ANTXR1: variants seen among roughly 807,000 people sequenced by gnomAD.
ANTXR1 encodes anthrax toxin receptor 1.
Under a neutral mutation model 78.1 loss-of-function variants are expected in ANTXR1, and 19 were observed. That is an observed-to-expected ratio of 0.24 (90% CI 0.17 to 0.36). ANTXR1 has a LOEUF of 0.36. ANTXR1 is among the 10% of genes least tolerant of loss of function. The probability of loss-of-function intolerance (pLI) is 1.00; values close to 1 mark genes in which losing one functional copy is unlikely to be tolerated. For missense variants in ANTXR1, 518 were observed against 718.6 expected (o/e 0.72, Z 3.19); for synonymous variants, 273 against 260.5 (o/e 1.05, Z -0.46).
chr2:69,038,491 T>A (rs773502463), intron 1 of ANTXR1, among the ~76,000 whole-genome samples: 1 of 152,202 alleles, frequency 6.6e-6, no homozygotes, highest in Non-Finnish European at 1.5e-5. Flanking sequence ...ATTATAAGAT[T>A]CTAGACAATC....
Position 69,132,227 on chromosome 2 carries a change from GCA to G in ANTXR1, c.951+7587_951+7588del, listed in dbSNP as rs1672771775. On this transcript the variant is annotated intron_variant, in intron 12 of 17. Coordinates refer to ENST00000303714, the MANE Select transcript of ANTXR1 (RefSeq NM_032208.3). The stretch of plus-strand genomic sequence containing the variant: ...GATGCTGCCAGCTGGGGCTGAGGAT[GCA>G]CAGTCTGCTTTAGTGAGTACTGGCT... Among the ~76,000 whole-genome samples the G allele has an allele frequency of 2.0e-5, 3 of 152,362 alleles. 1 individual carries two copies. The South Asian group carries it at 6.2e-4, about 32-fold the overall frequency.
chr2:69,041,134 G>A (rs758476196), intron 2 of ANTXR1, among the ~76,000 whole-genome samples: 1 of 152,208 alleles, frequency 6.6e-6, no homozygotes, highest in Non-Finnish European at 1.5e-5. Context: ...CAGATGCTGA[G>A]AGGACAGAAG....
rs920727369 is a variant in ANTXR1, at chr2:69,071,918, T to G, written c.412+131T>G. 6.9e-6 allele frequency: 6 copies of G among 869,166 alleles called. No homozygotes were observed. In the African/African-American group the frequency reaches 1.0e-4, roughly 15 times the overall value. 53.8% of individuals were successfully genotyped at this position (869,166 alleles called of 1,614,324 possible). ...TTATCTGTAATTCTTAGACACACATTTCATCACAAACAAGGAATGCATAGA... is the reference window on the plus strand; with the variant it reads ...TTATCTGTAATTCTTAGACACACATGTCATCACAAACAAGGAATGCATAGA... On this transcript the variant is annotated intron_variant, in intron 5 of 17. Transcript: ENST00000303714.
chr2:69,015,546 G>A (rs894447306), intron 1 of ANTXR1, among the ~76,000 whole-genome samples: 2 of 151,828 alleles, frequency 1.3e-5, no homozygotes, highest in Non-Finnish European at 2.9e-5. Context: ...TGATAACATG[G>A]AGAATGAAAA....
chr2:69,072,637 C>T (rs1031900864), intron 5 of ANTXR1, among the ~76,000 whole-genome samples: 2 of 152,212 alleles, frequency 1.3e-5, no homozygotes, highest in African/African-American at 4.8e-5. Flanking sequence ...TCCATTACAG[C>T]AGGTGACAAG....
chr2:69,061,824 T>C (rs1283357775), intron 3 of ANTXR1, among the ~76,000 whole-genome samples: 2 of 152,258 alleles, frequency 1.3e-5, no homozygotes, highest in Non-Finnish European at 2.9e-5. Flanking sequence ...GTATTTTTCT[T>C]TCTGATTTGA....
chr2:69,030,798 C>T (rs1671507917), intron 1 of ANTXR1, among the ~76,000 whole-genome samples: 1 of 151,816 alleles, frequency 6.6e-6, no homozygotes, highest in Non-Finnish European at 1.5e-5. Flanking sequence ...CAATAAATAA[C>T]AGGAAATGAA....
chr2:69,167,185 C>T (rs915839526), intron 13 of ANTXR1, among the ~76,000 whole-genome samples: 2 of 152,188 alleles, frequency 1.3e-5, no homozygotes, highest in Non-Finnish European at 2.9e-5. Flanking sequence ...GAAGTAAGGC[C>T]ACATCATGTG....
chr2:69,209,723 A>G (rs1181357816), intron 17 of ANTXR1, among the ~76,000 whole-genome samples: 1 of 152,270 alleles, frequency 6.6e-6, no homozygotes, highest in Non-Finnish European at 1.5e-5. Context: ...GCAAGGCTGG[A>G]AAGAGCTTGG....
chr2:69,241,181 A>C (rs977476707), intron 17 of ANTXR1, among the ~76,000 whole-genome samples: 4 of 152,230 alleles, frequency 2.6e-5, no homozygotes, highest in African/African-American at 9.6e-5. Context: ...CACAAAGACC[A>C]GTGTTATGAA....
At chr2:69,055,112 GGTT>G (rs1195477530) in intron 3 of ANTXR1, among the ~76,000 whole-genome samples, 3 of 152,228 alleles carry the variant, frequency 2.0e-5, no homozygotes, top group Middle Eastern at 3.4e-3. Flanking sequence ...TTACTATTGT[GGTT>G]GTTGTTAGGG....
At chr2:69,193,057 G>C (rs1674577751) in intron 16 of ANTXR1, among the ~76,000 whole-genome samples, 1 of 152,152 alleles carries the variant, frequency 6.6e-6, no homozygotes, top group African/African-American at 2.4e-5. Context: ...AAAGCCCAAA[G>C]CTTGAATCAA....
At chr2:69,176,608 T>A (rs1014702941) in intron 14 of ANTXR1, among the ~76,000 whole-genome samples, 4 of 152,220 alleles carry the variant, frequency 2.6e-5, no homozygotes, top group African/African-American at 7.2e-5. Context: ...TGTCGACAGC[T>A]GAGTTCTCTT....
chr2:69,164,555 G>A (rs1267563567), intron 13 of ANTXR1, among the ~76,000 whole-genome samples: 4 of 152,080 alleles, frequency 2.6e-5, no homozygotes, highest in Non-Finnish European at 5.9e-5. Flanking sequence ...ACAGTCCAGT[G>A]CGGAAGACAG....
intron 16 of ANTXR1, 93 bp downstream of exon 16, chr2:69,182,753 C>A: frequency 6.5e-7 from 1 of 1,530,590 alleles, no homozygotes; most frequent in Non-Finnish European, 9.0e-7. Context: ...AAAATCCCAA[C>A]CTAAAACCCA....
At chr2:69,037,914 C>T (rs536021481) in intron 1 of ANTXR1, among the ~76,000 whole-genome samples, 92 of 152,228 alleles carry the variant, frequency 6.0e-4, no homozygotes, top group African/African-American at 2.1e-3. Flanking sequence ...TTCCAGATCC[C>T]TTCCCCATCT....
chr2:69,217,986 A>C (rs1675220780), intron 17 of ANTXR1, among the ~76,000 whole-genome samples: 3 of 152,190 alleles, frequency 2.0e-5, no homozygotes, highest in Admixed American at 2.0e-4. Context: ...AGAGGGGCAC[A>C]CAGGTTATCT....
chr2:69,219,372 C>T lies in ANTXR1; in HGVS notation c.1435-25853C>T, dbSNP rs562020359. ...TTAGCCTAGGTAACATCACAGTGTC[C>T]ACCAGAAGGAGGACACACACACACA... On this transcript the variant is annotated intron_variant, in intron 17 of 17. Transcript: ENST00000303714. 2.7e-4 allele frequency among the ~76,000 whole-genome samples: 39 copies of T among 144,144 alleles called. 1 individual carries two copies. The highest frequency in any genetic ancestry group is 1.1e-3 in the South Asian group (5 of 4,546). The allele number at this position is 144,144 out of a possible 152,430, so 94.6% of individuals were successfully genotyped here. A position where few individuals can be genotyped will look rare whatever the true frequency, so the allele number is the denominator to read the frequency against.
chr2:69,092,708 A>G (rs528951525), intron 9 of ANTXR1, among the ~76,000 whole-genome samples: 2 of 152,306 alleles, frequency 1.3e-5, no homozygotes, highest in South Asian at 4.2e-4. Context: ...ACAAAAACAT[A>G]TGACCACATG....
Sources: allele counts gnomAD v4.1 joint callset (sites outside exome capture counted in the v4.1 genomes callset), GRCh38; gene constraint gnomAD v4.1.1; transcripts MANE v1.5; gene names NCBI Gene and HGNC (gene_info 2026-07-23, HGNC 2026-07-21).